The following ZNF469 variants were observed in gnomAD, a reference collection of about 807,000 sequenced individuals.
ZNF469 encodes zinc finger protein 469.
A neutral mutation model predicts 1.0 loss-of-function variants in ZNF469; 1 was observed. The observed-to-expected ratio is 1.00, with a 90% CI of 0.35 to 4.73. The LOEUF is 4.73. Ranked by LOEUF, ZNF469 falls within the 30% of genes most tolerant of loss-of-function variation. The probability of loss-of-function intolerance (pLI) is 0.16; values close to 1 mark genes in which losing one functional copy is unlikely to be tolerated. For missense variants in ZNF469, 6,100 were observed against 5,356.3 expected (o/e 1.14, Z -4.33); for synonymous variants, 2,703 against 2,363.4 (o/e 1.14, Z -4.17).
upstream of ZNF469, among the ~76,000 whole-genome samples, chr16:88,379,088 G>A (rs148404536): frequency 2.6e-5 from 4 of 152,306 alleles, no homozygotes; most frequent in South Asian, 4.1e-4. Flanking sequence ...CCTGCATGGC[G>A]CTGGTTACTC....
chr16:88,310,539 T>C, the ZNF469 span, among the ~76,000 whole-genome samples: 517 of 152,162 alleles, frequency 3.4e-3, 2 homozygotes, highest in African/African-American at 0.012. Flanking sequence ...TCTTGTTCCT[T>C]GACAGTACCT....
the ZNF469 span, among the ~76,000 whole-genome samples, chr16:88,266,039 C>T: frequency 6.6e-6 from 1 of 152,258 alleles, no homozygotes; most frequent in Admixed American, 6.5e-5. Context: ...CCCCTAAGTG[C>T]CAGGCTTCCT....
chr16:88,229,585 C>A, the ZNF469 span, among the ~76,000 whole-genome samples: 1 of 143,408 alleles, frequency 7.0e-6, no homozygotes, highest in Non-Finnish European at 1.6e-5. Flanking sequence ...GCGCTGATGT[C>A]ACGCGTGTGG....
At chr16:88,247,739 G>GAGTGAGTGAATGAGTC in the ZNF469 span, among the ~76,000 whole-genome samples, 16 of 152,164 alleles carry the variant, frequency 1.1e-4, no homozygotes, top group African/African-American at 3.6e-4. Context: ...GTGAGTCAAT[G>GAGTGAGTGAATGAGTC]AGTGAGTGAA....
chr16:88,117,533 T>C, the ZNF469 span, among the ~76,000 whole-genome samples: 4 of 101,126 alleles, frequency 4.0e-5, no homozygotes, highest in African/African-American at 1.7e-4. Context: ...CCTCTGAGAC[T>C]CAGGCCAGTT....
At chr16:88,416,281 G>A (rs1219324482) in intron 1 of ZNF469, among the ~76,000 whole-genome samples, 2 of 152,184 alleles carry the variant, frequency 1.3e-5, no homozygotes, top group South Asian at 2.1e-4. Context: ...ACCAGAGGCC[G>A]TGACCTTCTC....
chr16:88,437,421 C>G lies in ZNF469; in HGVS notation c.9951C>G (p.Ala3317=). 1 of 1,522,190 alleles carries G rather than the reference C, an allele frequency of 6.6e-7. No individual in the cohort carries two copies. The highest frequency in any genetic ancestry group is 2.5e-5 in the East Asian group (1 of 39,600). The allele number at this position is 1,522,190 out of a possible 1,614,324, so 94.3% of individuals were successfully genotyped here. The part of the protein sequence containing the change: ...TTPSPSPDPW[A]GGEPLLQATP... ...CCAGCCCGTCCCCCGACCCCTGGGCCGGCGGGGAGCCCCTCCTGCAAGCCA... is the reference window on the plus strand; with the variant it reads ...CCAGCCCGTCCCCCGACCCCTGGGCGGGCGGGGAGCCCCTCCTGCAAGCCA... The change falls in exon 3 of 3, where the codon GCC becomes GCG. Residue 3317 remains alanine (A), a synonymous_variant. Transcript: ENST00000565624.
the ZNF469 span, among the ~76,000 whole-genome samples, chr16:88,243,567 G>A: frequency 3.9e-5 from 6 of 152,132 alleles, no homozygotes; most frequent in Non-Finnish European, 8.8e-5. Flanking sequence ...AGAGGGAGTA[G>A]AGCATCTCCT....
At chr16:88,107,724 C>T in the ZNF469 span, among the ~76,000 whole-genome samples, 59,889 of 152,074 alleles carry the variant, frequency 0.39, 12,179 homozygotes, top group East Asian at 0.54. Flanking sequence ...GGGACATAGA[C>T]GCGGAGGCAG....
In ZNF469 at chr16:88,434,362, C is replaced by A. The variant is rs1451442305; in HGVS notation, c.6892C>A (p.Gln2298Lys). ...CAGCACTCCCACCGGAGATGAGGCACAGGCAGGCAGGGGACTCCCAGGGCC... is the reference window on the plus strand; with the variant it reads ...CAGCACTCCCACCGGAGATGAGGCAAAGGCAGGCAGGGGACTCCCAGGGCC... ...LSSTPTGDEA[Q>K]AGRGLPGPDP... The change falls in exon 3 of 3, where the codon CAG becomes AAG. Residue 2298 changes from glutamine to lysine, a missense_variant. By Grantham distance (53) the Gln-to-Lys change is moderately conservative. Transcript: ENST00000565624. 1.3e-6 allele frequency: 2 copies of A among 1,550,016 alleles called. No individual in the cohort carries two copies. Among genetic ancestry groups the A allele is most frequent in the Non-Finnish European group, 1.7e-6 (2 of 1,146,974 alleles).
rs1906357198 is a variant in ZNF469, at chr16:88,433,635, C to T, written c.6165C>T (p.Thr2055=). Residue 2055 remains threonine (T), a synonymous_variant, in exon 3 of 3, where the codon ACC becomes ACT. Transcript: ENST00000565624. ...AMSLQEEAEP[T]PSPPSPNRES... is the part of the protein sequence containing the mutation. ...GCCTTCAGGAGGAGGCCGAGCCCAC[C>T]CCAAGCCCCCCGTCCCCTAATAGGG... The T allele has an allele frequency of 1.9e-6, 3 of 1,550,122 alleles. No individual in the cohort carries two copies. The highest frequency in any genetic ancestry group is 1.4e-5 in the African/African-American group (1 of 73,046).
the ZNF469 span, chr16:88,193,502 T>C: frequency 4.6e-5 from 7 of 152,158 alleles, no homozygotes; most frequent in Non-Finnish European, 8.8e-5. Context: ...AGTTCGAGAT[T>C]AGCCTGGGCA....
the ZNF469 span, among the ~76,000 whole-genome samples, chr16:88,197,977 T>A: frequency 6.6e-6 from 1 of 152,212 alleles, no homozygotes; most frequent in African/African-American, 2.4e-5. Context: ...TAGAAGCATG[T>A]CCCTGAGTCC....
chr16:88,438,348 C>T lies in ZNF469; in HGVS notation c.10878C>T (p.Ala3626=). 6.5e-7 allele frequency: 1 copy of T among 1,550,210 alleles called. No individual in the cohort carries two copies. The highest frequency in any genetic ancestry group is 8.7e-7 in the Non-Finnish European group (1 of 1,146,948). The change falls in exon 3 of 3, where the codon GCC becomes GCT. Residue 3626 remains alanine (A), a synonymous_variant. Transcript: ENST00000565624. ...TCGTGTTCTCAGGGAAACGCAGGGC[C>T]CCGGGTGCCCGTGGCAGGTGTGCCC... ...APLVFSGKRR[A]PGARGRCAPD... is the part of the protein sequence containing the mutation.
rs1905974111 is a variant in ZNF469 at position 88,429,520 on chromosome 16, T to G, written c.2050T>G (p.Cys684Gly). 4 of 1,549,322 alleles carry G rather than the reference T, an allele frequency of 2.6e-6. No individual in the cohort carries two copies. The highest frequency in any genetic ancestry group is 1.4e-5 in the African/African-American group (1 of 72,834). The change falls in exon 3 of 3, where the codon TGC (cysteine) becomes GGC (glycine). Residue 684 changes from cysteine to glycine, a missense_variant. Coordinates refer to ENST00000565624, the MANE Select transcript of ZNF469 (RefSeq NM_001367624.2). ...DGLGAEGAFQ[C>G]LEETPFPHEG... Reference sequence around the variant, plus strand: ...GCTGGGAGCCGAGGGTGCCTTCCAGTGCCTGGAGGAGACCCCATTCCCCCA... The same window carrying G: ...GCTGGGAGCCGAGGGTGCCTTCCAGGGCCTGGAGGAGACCCCATTCCCCCA...
chr16:88,305,459 C>T, the ZNF469 span, among the ~76,000 whole-genome samples: 1 of 150,730 alleles, frequency 6.6e-6, no homozygotes, highest in African/African-American at 2.5e-5. Context: ...CATAGACACA[C>T]ACGCACACCC....
At chr16:88,232,696 G>A in the ZNF469 span, among the ~76,000 whole-genome samples, 11 of 152,214 alleles carry the variant, frequency 7.2e-5, no homozygotes, top group Non-Finnish European at 1.2e-4. Flanking sequence ...AGGCCACGGC[G>A]GCTTCTGCTG....
the ZNF469 span, among the ~76,000 whole-genome samples, chr16:88,239,307 C>T: frequency 1.3e-5 from 2 of 152,044 alleles, no homozygotes; most frequent in East Asian, 1.9e-4. Context: ...ATTATTTCCC[C>T]TTTATGTGGT....
chr16:88,433,557 C>T lies in ZNF469; in HGVS notation c.6087C>T (p.Pro2029=). ...GTCCCAAAACAGCGCTGACCGGCCC[C>T]ACCGAGGGTGCAGTCCTGCTAGAGA... ...NASPKTALTG[P]TEGAVLLEKC... is the part of the protein sequence containing the mutation. The change falls in exon 3 of 3, where the codon CCC becomes CCT. Residue 2029 remains proline, a synonymous_variant. Coordinates refer to ENST00000565624, the MANE Select transcript of ZNF469 (RefSeq NM_001367624.2). 1 of 1,550,366 alleles carries T rather than the reference C, an allele frequency of 6.5e-7. No homozygotes were observed. The highest frequency in any genetic ancestry group is 1.4e-5 in the African/African-American group (1 of 73,182).
Sources: allele counts gnomAD v4.1 joint callset (sites outside exome capture counted in the v4.1 genomes callset), GRCh38; gene constraint gnomAD v4.1.1; transcripts MANE v1.5; gene names NCBI Gene and HGNC (gene_info 2026-07-23, HGNC 2026-07-21).